The following ZC3H18 variants were observed in gnomAD, a reference collection of about 807,000 sequenced individuals.
The protein encoded by ZC3H18 is zinc finger CCCH-type containing 18, also known as zinc finger CCCH domain-containing protein 18.
In ZC3H18, 8 loss-of-function variants were observed where a neutral mutation model predicts 106.1. That is an observed-to-expected ratio of 0.08 (90% CI 0.04 to 0.14). The LOEUF is 0.14. Ranked by LOEUF, ZC3H18 falls within the 10% of genes least tolerant of loss-of-function variation. The pLI is 1.00. For synonymous variants in ZC3H18, 635 were observed against 522.1 expected (o/e 1.22, Z -2.95); for missense variants, 1,318 against 1,278.4 (o/e 1.03, Z -0.47).
At chr16:88,572,695 C>T (rs1157104804) in intron 1 of ZC3H18, among the ~76,000 whole-genome samples, 1 of 152,042 alleles carries the variant, frequency 6.6e-6, no homozygotes, top group East Asian at 1.9e-4. Context: ...CTTCTACTGA[C>T]ACCCCTGTCT....
chr16:88,613,348 C>T (rs988223290), intron 8 of ZC3H18, among the ~76,000 whole-genome samples: 3 of 152,150 alleles, frequency 2.0e-5, no homozygotes, highest in Non-Finnish European at 4.4e-5. Flanking sequence ...TTCCATTTTT[C>T]TTGAGCATAT....
chr16:88,591,640 C>G (rs1915758187), intron 3 of ZC3H18, among the ~76,000 whole-genome samples: 1 of 152,046 alleles, frequency 6.6e-6, no homozygotes. Context: ...TTTCCCTCAT[C>G]TGTGGGTGGA....
chr16:88,593,234 G>A (rs1439606061), intron 3 of ZC3H18, among the ~76,000 whole-genome samples: 2 of 152,184 alleles, frequency 1.3e-5, no homozygotes, highest in African/African-American at 4.8e-5. Flanking sequence ...GCGTCAGAAG[G>A]AAGGTCACCT....
chr16:88,628,595 C>G, intron 15 of ZC3H18, 163 bp from the exon 16 acceptor site: 1 of 690,288 alleles, frequency 1.4e-6, no homozygotes, highest in Middle Eastern at 4.1e-4. Flanking sequence ...GCCCTTGGTC[C>G]GGGTCCTGGA....
At chr16:88,598,849 C>A in intron 5 of ZC3H18, 137 bp downstream of exon 5, 1 of 720,032 alleles carries the variant, frequency 1.4e-6, no homozygotes. Context: ...TGGTGTCTTT[C>A]TTTATTTTTT....
In ZC3H18 at chr16:88,611,474, C is replaced by CCGGGAGAAGGAG. The variant is rs746303837; in HGVS notation, c.1426_1437dup (p.Arg476_Glu479dup). The stretch of plus-strand genomic sequence containing the variant: ...AGGACCGGCAGCACCGTGACCGCGA[C>CCGGGAGAAGGAG]CGGGAGAAGGAGCGGGAGAAGGAGA... On this transcript the variant is annotated inframe_insertion, in exon 8 of 18. Coordinates refer to ENST00000301011, the MANE Select transcript of ZC3H18 (RefSeq NM_144604.4). 1.9e-5 allele frequency: 30 copies of CCGGGAGAAGGAG among 1,549,962 alleles called. No homozygotes were observed. Among genetic ancestry groups the CCGGGAGAAGGAG allele is most frequent in the African/African-American group, 5.5e-5 (4 of 72,990 alleles).
intron 10 of ZC3H18, chr16:88,623,690 C>T (rs1453886970): frequency 5.2e-6 from 3 of 579,544 alleles, no homozygotes; most frequent in Admixed American, 3.4e-5. Flanking sequence ...GCCAAGGAGC[C>T]TGTCTCCTCC....
intron 2 of ZC3H18, among the ~76,000 whole-genome samples, chr16:88,578,714 A>G (rs771348315): frequency 6.6e-6 from 1 of 151,642 alleles, no homozygotes; most frequent in Admixed American, 6.6e-5. Flanking sequence ...TTTTTGAGAG[A>G]GAGAGTCTAC....
At chr16:88,589,377 C>T (rs771699868) in intron 3 of ZC3H18, among the ~76,000 whole-genome samples, 4 of 152,190 alleles carry the variant, frequency 2.6e-5, no homozygotes, top group Non-Finnish European at 5.9e-5. Flanking sequence ...TTCACAGCAG[C>T]ATAATTTCCA....
At chr16:88,618,109 G>A (rs1905736164) in intron 8 of ZC3H18, among the ~76,000 whole-genome samples, 1 of 152,224 alleles carries the variant, frequency 6.6e-6, no homozygotes, top group African/African-American at 2.4e-5. Flanking sequence ...GCTCTTGCAG[G>A]TGTGAGTGAG....
Position 88,628,993 on chromosome 16 carries a change from G to A in ZC3H18, c.2566+139G>A, listed in dbSNP as rs76030044. 6,464 of 741,166 alleles carry A rather than the reference G, an allele frequency of 8.7e-3. 181 individuals carry two copies. The highest frequency in any genetic ancestry group is 0.076 in the African/African-American group (4,276 of 56,054). 45.9% of individuals were successfully genotyped at this position (741,166 alleles called of 1,614,324 possible). On this transcript the variant is annotated intron_variant, in intron 16 of 17. Coordinates refer to ENST00000301011, the MANE Select transcript of ZC3H18 (RefSeq NM_144604.4). ...ATCTGACTTGCAGATGATGCCTGTC[G>A]GTATTTAGGGTGTTGAAAACTAAAA...
intron 8 of ZC3H18, among the ~76,000 whole-genome samples, chr16:88,612,699 A>G (rs1306402643): frequency 6.6e-6 from 1 of 151,688 alleles, no homozygotes; most frequent in Non-Finnish European, 1.5e-5. Flanking sequence ...AAAAAATTAA[A>G]AATTGTTTTA....
intron 6 of ZC3H18, among the ~76,000 whole-genome samples, chr16:88,601,684 G>T (rs1904757904): frequency 1.3e-5 from 2 of 152,112 alleles, no homozygotes; most frequent in Admixed American, 1.3e-4. Context: ...GGCAGTCAGG[G>T]CTGAAAGGTT....
At chr16:88,585,141 ATTTC>A (rs928857990) in intron 2 of ZC3H18, among the ~76,000 whole-genome samples, 7 of 152,326 alleles carry the variant, frequency 4.6e-5, no homozygotes, top group African/African-American at 1.7e-4. Flanking sequence ...TTCTCTGATC[ATTTC>A]TTTTTTTAAT....
At chr16:88,571,809 C>G (rs1338181350) in intron 1 of ZC3H18, 1 of 317,792 alleles carries the variant, frequency 3.1e-6, no homozygotes, top group Non-Finnish European at 4.6e-6. Flanking sequence ...GGGTCTGTCA[C>G]CAACCTTGAT....
At chr16:88,612,522 T>A (rs1452278207) in intron 8 of ZC3H18, among the ~76,000 whole-genome samples, 49 of 146,008 alleles carry the variant, frequency 3.4e-4, no homozygotes, top group African/African-American at 1.1e-3. Flanking sequence ...AAAAAAAAAT[T>A]AAAAATTAGC....
At position 88,577,534 on chromosome 16, in the gene ZC3H18, G is replaced by T. The variant is rs1463992028; in HGVS notation, c.411G>T (p.Glu137Asp). 6.2e-7 allele frequency: 1 copy of T among 1,613,340 alleles called. No homozygotes were observed. ...ELDYDEEVPE[E>D]PAPAVQEDEA... is the part of the protein sequence containing the mutation. ...ACTACGATGAGGAGGTTCCTGAGGA[G>T]CCAGCTCCCGCCGTCCAGGAGGACG... The change falls in exon 2 of 18, where the codon GAG (glutamate) becomes GAT (aspartate). Residue 137 changes from glutamate to aspartate, a missense_variant. Glu to Asp is a conservative substitution (Grantham distance 45). Coordinates refer to ENST00000301011, the MANE Select transcript of ZC3H18 (RefSeq NM_144604.4).
At chr16:88,603,388 A>T (rs889724888) in intron 6 of ZC3H18, among the ~76,000 whole-genome samples, 2 of 151,590 alleles carry the variant, frequency 1.3e-5, no homozygotes, top group African/African-American at 4.8e-5. Flanking sequence ...TGGGAGGCCA[A>T]AGCGGACGGA....
Position 88,616,207 on chromosome 16 carries a change from C to T in ZC3H18, c.1475+4671C>T, listed in dbSNP as rs551309352. Among the ~76,000 whole-genome samples, 24 of 152,360 alleles carry T rather than the reference C, an allele frequency of 1.6e-4. No homozygotes were observed. The South Asian group carries it at 3.7e-3, about 24-fold the overall frequency. ...CGTTGTCTGGCCTGATCTGGGCTCACAGCTAGGGTTCAGGAAACTCTGTAC... is the reference window on the plus strand; with the variant it reads ...CGTTGTCTGGCCTGATCTGGGCTCATAGCTAGGGTTCAGGAAACTCTGTAC... On this transcript the variant is annotated intron_variant, in intron 8 of 17. Transcript: ENST00000301011.
Sources: allele counts gnomAD v4.1 joint callset (sites outside exome capture counted in the v4.1 genomes callset), GRCh38; gene constraint gnomAD v4.1.1; transcripts MANE v1.5; gene names NCBI Gene and HGNC (gene_info 2026-07-23, HGNC 2026-07-21).